PPP4R3B: variants seen among roughly 807,000 people sequenced by gnomAD.
PPP4R3B encodes serine/threonine-protein phosphatase 4 regulatory subunit 3B.
PPP4R3B carries 52 observed loss-of-function variants against 95.4 expected under a neutral mutation model. That is an observed-to-expected ratio of 0.54 (90% CI 0.44 to 0.69). The LOEUF (loss-of-function observed/expected upper bound fraction) is 0.69, where lower values mean the gene tolerates loss of function less well. PPP4R3B is among the 30% of genes least tolerant of loss of function. The probability of loss-of-function intolerance (pLI) is 0.00; values close to 1 mark genes in which losing one functional copy is unlikely to be tolerated. For missense variants in PPP4R3B, 1,003 were observed against 1,005.9 expected, an observed-to-expected ratio of 1.00 and a Z score of 0.04; for synonymous variants, 407 against 343.9, an observed-to-expected ratio of 1.18 and a Z score of -2.03.
intron 16 of PPP4R3B, among the ~76,000 whole-genome samples, chr2:55,552,471 G>A (rs1251455516): frequency 1.3e-5 from 2 of 152,132 alleles, no homozygotes; most frequent in Non-Finnish European, 2.9e-5. Context: ...TCAGTTCACT[G>A]CAACCTCTGT....
Position 55,617,270 on chromosome 2 carries a change from G to C in PPP4R3B, c.16C>G (p.Arg6Gly). 1.3e-6 allele frequency: 2 copies of C among 1,597,606 alleles called. No homozygotes were observed. Among genetic ancestry groups the C allele is most frequent in the Non-Finnish European group, 1.7e-6 (2 of 1,170,028 alleles). The change falls in exon 1 of 17, where the codon CGG becomes GGG. Residue 6 changes from arginine to glycine, a missense_variant. Physicochemically the swap from Arg to Gly is moderately radical, Grantham distance 125 (BLOSUM62 -2). Around this residue, in one of 3 missense-constraint regions of PPP4R3B, gnomAD observed 695 missense variants for 686.2 expected, o/e 1.01. Coordinates refer to ENST00000616407, the MANE Select transcript of PPP4R3B (RefSeq NM_001122964.3). ...TTCAGGGTATAGACCTTCACTCGCC[G>C]CCGCGTATCCGACATGGTGGCTGCT... MSDTRRRVKVYTLNED... is the reference protein window; with the variant it reads MSDTRGRVKVYTLNED...
chr2:55,597,098 T>C (rs960532905), intron 4 of PPP4R3B, among the ~76,000 whole-genome samples: 1 of 152,188 alleles, frequency 6.6e-6, no homozygotes, highest in African/African-American at 2.4e-5. Flanking sequence ...TCAGAGTTTC[T>C]GTTTGGGATG....
intron 3 of PPP4R3B, among the ~76,000 whole-genome samples, chr2:55,600,156 G>A (rs1354253399): frequency 6.6e-6 from 1 of 152,076 alleles, no homozygotes; most frequent in Non-Finnish European, 1.5e-5. Flanking sequence ...ATAAGGGGTG[G>A]CGGCTCACGC....
chr2:55,567,833 T>C (rs1302270784), intron 13 of PPP4R3B, among the ~76,000 whole-genome samples: 3 of 152,174 alleles, frequency 2.0e-5, no homozygotes, highest in Non-Finnish European at 2.9e-5. Flanking sequence ...AATGTCCACA[T>C]ACACCAAATG....
intron 7 of PPP4R3B, among the ~76,000 whole-genome samples, 183 bp downstream of exon 7, chr2:55,584,868 T>A (rs2104291512): frequency 6.6e-6 from 1 of 152,318 alleles, no homozygotes; most frequent in African/African-American, 2.4e-5. Context: ...GGTTTCTTTT[T>A]TTCTAACAAT....
In PPP4R3B at chr2:55,549,811, T is replaced by C. The variant is rs1052256078; in HGVS notation, c.*100A>G. 2 of 902,380 alleles carry C rather than the reference T, an allele frequency of 2.2e-6. No homozygotes were observed. Among genetic ancestry groups the C allele is most frequent in the African/African-American group, 3.3e-5 (2 of 60,048 alleles). The allele number at this position is 902,380 out of a possible 1,614,324, so 55.9% of individuals were successfully genotyped here. ...TGTCTTTTGCTACTCCTTGTATATT[T>C]TATAAGTTCAATTGAGAAAGCTTTC... On this transcript the variant is annotated 3_prime_UTR_variant, in exon 17 of 17. Coordinates refer to ENST00000616407, the MANE Select transcript of PPP4R3B (RefSeq NM_001122964.3).
chr2:55,568,953 G>A (rs1036503676), intron 12 of PPP4R3B, among the ~76,000 whole-genome samples: 1 of 152,068 alleles, frequency 6.6e-6, no homozygotes, highest in East Asian at 1.9e-4. Context: ...GAGACTGAGG[G>A]CACGAGCTGT....
chr2:55,555,323 C>T (rs1393022549), intron 16 of PPP4R3B, among the ~76,000 whole-genome samples: 1 of 150,418 alleles, frequency 6.6e-6, no homozygotes, highest in African/African-American at 2.4e-5. Flanking sequence ...AGTATTCTTT[C>T]CCCCATCAAA....
At chr2:55,579,443 A>G in intron 9 of PPP4R3B, among the ~76,000 whole-genome samples, 1 of 151,980 alleles carries the variant, frequency 6.6e-6, no homozygotes, top group East Asian at 1.9e-4. Flanking sequence ...GTTCAGAGAA[A>G]CTTCCGTAGC....
chr2:55,581,845 T>C, intron 7 of PPP4R3B, 147 bp from the exon 8 acceptor site: 1 of 759,026 alleles, frequency 1.3e-6, no homozygotes, highest in East Asian at 3.2e-5. Context: ...CTATTCCTAA[T>C]GCTTTTGAAA....
At chr2:55,565,535 A>G (rs947280968) in intron 13 of PPP4R3B, among the ~76,000 whole-genome samples, 1 of 152,286 alleles carries the variant, frequency 6.6e-6, no homozygotes, top group South Asian at 2.1e-4. Context: ...GGTGATGGAT[A>G]CCCCAAATAC....
chr2:55,554,078 A>G (rs190135534), intron 16 of PPP4R3B, among the ~76,000 whole-genome samples: 6 of 152,168 alleles, frequency 3.9e-5, no homozygotes, highest in African/African-American at 7.2e-5. Context: ...TTATTTTTAT[A>G]TATTTATTTT....
chr2:55,558,315 G>A (rs964008383), intron 16 of PPP4R3B, among the ~76,000 whole-genome samples: 1 of 152,184 alleles, frequency 6.6e-6, no homozygotes, highest in African/African-American at 2.4e-5. Flanking sequence ...GGGACAGGGA[G>A]GAAGGATGCT....
chr2:55,585,184 T>C lies in PPP4R3B; in HGVS notation c.1117-17A>G. The C allele has an allele frequency of 6.4e-7, 1 of 1,555,754 alleles. No individual in the cohort carries two copies. Among genetic ancestry groups the C allele is most frequent in the African/African-American group, 1.4e-5 (1 of 72,932 alleles). ...ATCCATGCCCTGATAAAAGGAAAAT[T>C]AGGTTACTTAGAGACTGTTAACAAA... On this transcript the variant is annotated splice_polypyrimidine_tract_variant and intron_variant, in intron 6 of 16. Coordinates refer to ENST00000616407, the MANE Select transcript of PPP4R3B (RefSeq NM_001122964.3).
intron 2 of PPP4R3B, among the ~76,000 whole-genome samples, chr2:55,611,591 T>A (rs1037679727): frequency 3.3e-5 from 5 of 152,232 alleles, no homozygotes; most frequent in African/African-American, 1.2e-4. Context: ...GCTTGACTCA[T>A]TCTAACTCCT....
intron 4 of PPP4R3B, among the ~76,000 whole-genome samples, chr2:55,596,379 C>T (rs767881451): frequency 3.3e-5 from 5 of 152,150 alleles, no homozygotes; most frequent in Non-Finnish European, 5.9e-5. Context: ...AACGAATCCT[C>T]GGGCAACAAC....
chr2:55,615,678 A>G (rs1386667043), intron 1 of PPP4R3B, among the ~76,000 whole-genome samples, 172 bp from the exon 2 acceptor site: 1 of 151,798 alleles, frequency 6.6e-6, no homozygotes, highest in African/African-American at 2.4e-5. Context: ...ACATGGTGAA[A>G]CCGTCTCTAC....
At chr2:55,592,991 T>A (rs1195791024) in intron 4 of PPP4R3B, among the ~76,000 whole-genome samples, 1 of 151,988 alleles carries the variant, frequency 6.6e-6, no homozygotes, top group Non-Finnish European at 1.5e-5. Flanking sequence ...TGAAACTGTC[T>A]ATACTAAAAA....
At chr2:55,608,666 T>C (rs1263850748) in intron 2 of PPP4R3B, among the ~76,000 whole-genome samples, 1 of 152,218 alleles carries the variant, frequency 6.6e-6, no homozygotes, top group Non-Finnish European at 1.5e-5. Flanking sequence ...TCACTTTGCA[T>C]AAACTCTTCA....
Sources: gnomAD v4.1 joint callset for allele counts (sites outside exome capture counted in the v4.1 genomes callset) on GRCh38, gnomAD v4.1.1 for gene constraint, gnomAD v4.1.1 regional missense constraint, MANE v1.5 for transcripts, NCBI Gene and HGNC (gene_info 2026-07-23, HGNC 2026-07-21) for gene names.